The following MAML1 variants were observed in gnomAD, a reference collection of about 807,000 sequenced individuals.
MAML1 encodes the protein mastermind-like protein 1.
A neutral mutation model predicts 77.1 loss-of-function variants in MAML1; 14 were observed. The ratio of observed to expected loss-of-function variants is 0.18; its 90% CI spans 0.12 to 0.28. The LOEUF is 0.28. MAML1 is among the 10% of genes least tolerant of loss of function. The pLI, the probability that MAML1 is intolerant of heterozygous loss-of-function variation, is 1.00. For missense variants in MAML1, 1,217 were observed against 1,327.8 expected (o/e 0.92, Z 1.30); for synonymous variants, 516 against 551.9 (o/e 0.93, Z 0.91).
intron 1 of MAML1, among the ~76,000 whole-genome samples, chr5:179,739,360 A>G (rs1779234756): frequency 6.9e-6 from 1 of 143,936 alleles, no homozygotes; most frequent in African/African-American, 2.5e-5. Context: ...TCTCAAATAG[A>G]ATAGAATAGA....
At chr5:179,754,595 GAAA>G in intron 1 of MAML1, among the ~76,000 whole-genome samples, 1 of 147,392 alleles carries the variant, frequency 6.8e-6, no homozygotes, top group East Asian at 2.0e-4. Context: ...GTCTCAAAAA[GAAA>G]AAAAAAATGT....
At position 179,758,382 on chromosome 5, in the gene MAML1, TTTTTCTTTTTC is replaced by T. The variant is rs958731475; in HGVS notation, c.316-6933_316-6923del. Among the ~76,000 whole-genome samples, 2 of 143,928 alleles carry T rather than the reference TTTTTCTTTTTC, an allele frequency of 1.4e-5. 1 individual carries two copies. The highest frequency in any genetic ancestry group is 3.1e-5 in the Non-Finnish European group (2 of 64,056). The allele number at this position is 143,928 out of a possible 152,430, so 94.4% of individuals were successfully genotyped here. ...AACGTTTAGACAGTTCTCTGATTTT[TTTTTCTTTTTC>T]TTTTCTTTTTTTTTTTTTTAATAGG... is the stretch of plus-strand genomic sequence containing the variant. On this transcript the variant is annotated intron_variant, in intron 1 of 4. Transcript: ENST00000292599.
intron 1 of MAML1, among the ~76,000 whole-genome samples, chr5:179,736,453 A>G (rs1263102910): frequency 6.6e-6 from 1 of 150,580 alleles, no homozygotes; most frequent in Non-Finnish European, 1.5e-5. Context: ...GGGTTTCACC[A>G]TGTTGGCCAG....
chr5:179,740,793 C>G (rs72809785), intron 1 of MAML1, among the ~76,000 whole-genome samples: 5,565 of 152,160 alleles, frequency 0.037, 128 homozygotes, highest in African/African-American at 0.053. Flanking sequence ...CTTTGTTTTG[C>G]GGGCAGGAGA....
At chr5:179,743,970 C>T (rs1270153989) in intron 1 of MAML1, among the ~76,000 whole-genome samples, 1 of 152,052 alleles carries the variant, frequency 6.6e-6, no homozygotes, top group Non-Finnish European at 1.5e-5. Flanking sequence ...AAAATGTAGC[C>T]AGTGGAATCC....
intron 1 of MAML1, among the ~76,000 whole-genome samples, chr5:179,755,269 G>A (rs543746928): frequency 2.6e-5 from 4 of 152,298 alleles, no homozygotes; most frequent in Admixed American, 2.0e-4. Context: ...CAGAGAGAGC[G>A]AGCCTGGGAA....
Position 179,753,231 on chromosome 5 carries a change from G to A in MAML1, c.316-12095G>A, listed in dbSNP as rs896189945. Among the ~76,000 whole-genome samples, 6 of 151,938 alleles carry A rather than the reference G, an allele frequency of 3.9e-5. No individual in the cohort carries two copies. In the South Asian group the frequency reaches 8.4e-4, roughly 21 times the overall value. On this transcript the variant is annotated intron_variant, in intron 1 of 4. Transcript: ENST00000292599. ...TGTGTGTGTGTGTGTGTGCGCGCGC[G>A]CGCGCGCGTGCTGGGGTGAAGGAGT... is the stretch of plus-strand genomic sequence containing the variant.
rs150290121 is a variant in MAML1 at position 179,758,388 on chromosome 5, T to TTTTTCTTTTC, written c.316-6933_316-6924dup. Among the ~76,000 whole-genome samples the TTTTTCTTTTC allele has an allele frequency of 2.0e-5, 3 of 148,482 alleles. No homozygotes were observed. In the South Asian group the frequency reaches 6.4e-4, roughly 32 times the overall value. Reference sequence around the variant, plus strand: ...TAGACAGTTCTCTGATTTTTTTTTCTTTTTCTTTTCTTTTTTTTTTTTTTA... The same window carrying TTTTTCTTTTC: ...TAGACAGTTCTCTGATTTTTTTTTCTTTTTCTTTTCTTTTCTTTTCTTTTTTTTTTTTTTA... On this transcript the variant is annotated intron_variant, in intron 1 of 4. Transcript: ENST00000292599.
Position 179,744,464 on chromosome 5 carries a change from G to A in MAML1, c.315+11037G>A, listed in dbSNP as rs564805872. ...GCCTCCTAAAGTGCTGGGATTACAA[G>A]CGTGAGCCACCACACCTGGCCAAAA... On this transcript the variant is annotated intron_variant, in intron 1 of 4. Coordinates refer to ENST00000292599, the MANE Select transcript of MAML1 (RefSeq NM_014757.5). Among the ~76,000 whole-genome samples, 259 of 152,118 alleles carry A rather than the reference G, an allele frequency of 1.7e-3. 1 individual carries two copies. The Middle Eastern group carries it at 0.034, about 20-fold the overall frequency.
intron 1 of MAML1, among the ~76,000 whole-genome samples, chr5:179,764,531 A>G (rs556822937): frequency 1.3e-5 from 2 of 152,160 alleles, no homozygotes; most frequent in East Asian, 3.9e-4. Context: ...ATGGTGGCAC[A>G]TGCCTGTAAT....
intron 1 of MAML1, among the ~76,000 whole-genome samples, chr5:179,740,899 C>G: frequency 6.6e-6 from 1 of 152,128 alleles, no homozygotes; most frequent in Non-Finnish European, 1.5e-5. Context: ...ATATCCCTGG[C>G]CATTTTCACT....
At chr5:179,764,162 CTGTCTGTGT>C (rs1220832735) in intron 1 of MAML1, among the ~76,000 whole-genome samples, 2 of 152,128 alleles carry the variant, frequency 1.3e-5, no homozygotes, top group Admixed American at 6.5e-5. Context: ...CTCTGTAGCC[CTGTCTGTGT>C]ATGTCCCATG....
intron 1 of MAML1, among the ~76,000 whole-genome samples, chr5:179,756,482 T>G (rs1484928158): frequency 6.7e-6 from 1 of 149,612 alleles, no homozygotes; most frequent in Non-Finnish European, 1.5e-5. Context: ...AAGTATATTC[T>G]CAGTCCTGAA....
rs866033737 is a variant in MAML1, at chr5:179,766,086, C to T, written c.1076C>T (p.Pro359Leu). 3.8e-6 allele frequency: 6 copies of T among 1,584,008 alleles called. 1 individual carries two copies. In the Middle Eastern group the frequency reaches 5.1e-4, roughly 134 times the overall value. Residue 359 changes from proline (P) to leucine (L), a missense_variant, in exon 2 of 5, where the codon CCC (proline) becomes CTC (leucine). Pro to Leu is a moderately conservative substitution (Grantham distance 98, BLOSUM62 -3). Around this residue, in one of 3 missense-constraint regions of MAML1, gnomAD observed 884 missense variants for 949.3 expected, o/e 0.93. Coordinates refer to ENST00000292599, the MANE Select transcript of MAML1 (RefSeq NM_014757.5). The surrounding 1 kb of genome is among the most constrained non-coding windows in gnomAD (Gnocchi z 4.0). ...TCTGGTCAGCCCCGGGCGGACAATC[C>T]CAGTCCAAACCTGATGCCGGCATCA... ...HTSGQPRADN[P>L]SPNLMPASAQ...
chr5:179,744,658 C>G (rs146349476), intron 1 of MAML1, among the ~76,000 whole-genome samples: 1 of 151,648 alleles, frequency 6.6e-6, no homozygotes, highest in Non-Finnish European at 1.5e-5. Flanking sequence ...CTCAGCCTCC[C>G]GAGTAGCTAC....
intron 1 of MAML1, among the ~76,000 whole-genome samples, chr5:179,760,688 A>G (rs898842162): frequency 4.1e-4 from 63 of 152,282 alleles, no homozygotes; most frequent in Middle Eastern, 3.4e-3. Flanking sequence ...GGACTGTACT[A>G]TTTGATAGAA....
intron 1 of MAML1, among the ~76,000 whole-genome samples, chr5:179,765,073 A>T (rs1779791357): frequency 6.6e-6 from 1 of 151,758 alleles, no homozygotes; most frequent in East Asian, 1.9e-4. Flanking sequence ...GCCAGACGAG[A>T]TGGCTGTGGG....
At chr5:179,749,292 A>G (rs1225933972) in intron 1 of MAML1, among the ~76,000 whole-genome samples, 2 of 152,082 alleles carry the variant, frequency 1.3e-5, no homozygotes, top group Non-Finnish European at 2.9e-5. Flanking sequence ...ACGCCTGGAT[A>G]ATGTTGTGTT....
Position 179,774,048 on chromosome 5 carries a change from G to A in MAML1, c.2222G>A (p.Gly741Asp). 6.2e-7 allele frequency: 1 copy of A among 1,614,156 alleles called. No individual in the cohort carries two copies. Among genetic ancestry groups the A allele is most frequent in the African/African-American group, 1.3e-5 (1 of 75,060 alleles). ...LPTNSGQQDRGVAQFPGSQNM... is the reference protein window; with the variant it reads ...LPTNSGQQDRDVAQFPGSQNM... Reference sequence around the variant, plus strand: ...ACAAACTCAGGCCAACAGGACCGGGGTGTGGCTCAGTTCCCTGGCTCCCAA... The same window carrying A: ...ACAAACTCAGGCCAACAGGACCGGGATGTGGCTCAGTTCCCTGGCTCCCAA... Residue 741 changes from glycine (G) to aspartate (D), a missense_variant, in exon 5 of 5, where the codon GGT becomes GAT. Physicochemically the swap from Gly to Asp is moderately conservative, Grantham distance 94 (BLOSUM62 -1). Around this residue, in one of 3 missense-constraint regions of MAML1, gnomAD observed 884 missense variants for 949.3 expected, o/e 0.93. Coordinates refer to ENST00000292599, the MANE Select transcript of MAML1 (RefSeq NM_014757.5).
Sources: gnomAD v4.1 joint callset for allele counts (sites outside exome capture counted in the v4.1 genomes callset) on GRCh38, gnomAD v4.1.1 for gene constraint, gnomAD v4.1.1 regional missense constraint, Gnocchi (gnomAD v3.1) non-coding constraint, MANE v1.5 for transcripts, NCBI Gene and HGNC (gene_info 2026-07-23, HGNC 2026-07-21) for gene names.